Variants in CLVS1 observed in about 807,000 individuals in gnomAD.
The protein encoded by CLVS1 is clavesin-1.
A neutral mutation model predicts 33.1 loss-of-function variants in CLVS1; 10 were observed. That is an observed-to-expected ratio of 0.30 (90% CI 0.19 to 0.51). The LOEUF is 0.51. Among genes scored for constraint, CLVS1 ranks in the 20% least tolerant of loss-of-function variants. The probability of loss-of-function intolerance (pLI) is 0.97; values close to 1 mark genes in which losing one functional copy is unlikely to be tolerated. For synonymous variants in CLVS1, 163 were observed against 166.1 expected (o/e 0.98, Z 0.14); for missense variants, 343 against 433.4 (o/e 0.79, Z 1.85).
chr8:60,999,612 A>G, the CLVS1 span, among the ~76,000 whole-genome samples: 2 of 152,208 alleles, frequency 1.3e-5, no homozygotes, highest in African/African-American at 2.4e-5. Flanking sequence ...GCCAACTGTG[A>G]TCACCTAACA....
intron 2 of CLVS1, among the ~76,000 whole-genome samples, chr8:61,339,340 G>A (rs1443527415): frequency 6.6e-6 from 1 of 152,210 alleles, no homozygotes; most frequent in African/African-American, 2.4e-5. Context: ...CAAGGCAGAG[G>A]TCTAGGAGTC....
At chr8:61,432,118 C>A (rs145434368) in intron 3 of CLVS1, among the ~76,000 whole-genome samples, 1 of 152,088 alleles carries the variant, frequency 6.6e-6, no homozygotes, top group African/African-American at 2.4e-5. Flanking sequence ...AAAAAGTATG[C>A]CTTAGAATGG....
intron 2 of CLVS1, among the ~76,000 whole-genome samples, chr8:61,172,456 G>A (rs1331978297): frequency 6.6e-6 from 1 of 151,822 alleles, no homozygotes. Context: ...TTTGCAAGGA[G>A]CAACAATTTT....
chr8:61,289,656 G>T (rs2129593701), intron 1 of CLVS1, among the ~76,000 whole-genome samples: 1 of 152,300 alleles, frequency 6.6e-6, no homozygotes, highest in African/African-American at 2.4e-5. Flanking sequence ...TTTTAAAATT[G>T]TCGTTGTGTA....
chr8:61,254,486 G>A (rs990377200), intron 2 of CLVS1, among the ~76,000 whole-genome samples: 10 of 152,200 alleles, frequency 6.6e-5, no homozygotes, highest in Non-Finnish European at 1.5e-4. Context: ...GGTTTCTGCT[G>A]CCTTTTGTTT....
At chr8:61,353,618 G>C (rs115875046) in intron 2 of CLVS1, among the ~76,000 whole-genome samples, 2 of 151,572 alleles carry the variant, frequency 1.3e-5, no homozygotes, top group Non-Finnish European at 2.9e-5. Flanking sequence ...GAAACAATAT[G>C]AGATGTTGAT....
At chr8:61,094,732 AC>A in intron 1 of CLVS1, among the ~76,000 whole-genome samples, 1 of 152,330 alleles carries the variant, frequency 6.6e-6, no homozygotes, top group East Asian at 1.9e-4. Context: ...TGCTGAGGGC[AC>A]AGGAAAAAAA....
chr8:61,119,662 G>A (rs985276607), intron 1 of CLVS1, among the ~76,000 whole-genome samples: 5 of 146,368 alleles, frequency 3.4e-5, no homozygotes, highest in Non-Finnish European at 5.9e-5. Flanking sequence ...GAAATTCTGG[G>A]TTGAAAATTC....
chr8:61,448,237 A>G (rs1205481374), intron 3 of CLVS1, among the ~76,000 whole-genome samples: 1 of 151,978 alleles, frequency 6.6e-6, no homozygotes, highest in Non-Finnish European at 1.5e-5. Context: ...ATTTGAGTTC[A>G]TACTGTTTGG....
chr8:61,358,621 AAAC>A, intron 2 of CLVS1, among the ~76,000 whole-genome samples: 1 of 152,330 alleles, frequency 6.6e-6, no homozygotes. Flanking sequence ...ACAAACAAAC[AAAC>A]AAAAAACAGC....
chr8:61,039,805 A>C, the CLVS1 span, among the ~76,000 whole-genome samples: 2 of 152,184 alleles, frequency 1.3e-5, no homozygotes, highest in Admixed American at 1.3e-4. Flanking sequence ...CTCCCAAAGT[A>C]CTGAGATTAC....
At chr8:61,448,404 C>A (rs982890326) in intron 3 of CLVS1, among the ~76,000 whole-genome samples, 12 of 151,984 alleles carry the variant, frequency 7.9e-5, no homozygotes, top group African/African-American at 2.7e-4. Context: ...GTTATAGACC[C>A]CAAAAAGGAA....
the CLVS1 span, among the ~76,000 whole-genome samples, chr8:61,040,075 A>G: frequency 7.2e-5 from 11 of 152,148 alleles, no homozygotes; most frequent in African/African-American, 2.7e-4. Context: ...GCTCCCACTT[A>G]TAAGTGAGAA....
chr8:61,250,418 T>C (rs1480567914), intron 2 of CLVS1, among the ~76,000 whole-genome samples: 1 of 152,210 alleles, frequency 6.6e-6, no homozygotes, highest in Non-Finnish European at 1.5e-5. Flanking sequence ...TTTGGTTCCA[T>C]ATGAAGTTTA....
chr8:61,350,714 A>G (rs1812418869), intron 2 of CLVS1, among the ~76,000 whole-genome samples: 1 of 152,164 alleles, frequency 6.6e-6, no homozygotes, highest in Admixed American at 6.6e-5. Flanking sequence ...CAGAGCAATT[A>G]TCATGTAGAG....
chr8:61,443,929 A>G (rs761587334), intron 3 of CLVS1, among the ~76,000 whole-genome samples: 10 of 152,138 alleles, frequency 6.6e-5, no homozygotes, highest in Admixed American at 2.6e-4. Flanking sequence ...TGTAATTTTC[A>G]GCATACAAAT....
the CLVS1 span, among the ~76,000 whole-genome samples, chr8:61,014,085 G>GTTTTTTTTTTTTT: frequency 1.6e-5 from 2 of 126,818 alleles, no homozygotes; most frequent in Non-Finnish European, 3.3e-5. Flanking sequence ...ACTTTTTAGT[G>GTTTTTTTTTTTTT]TTTTTTTTTT....
intron 1 of CLVS1, among the ~76,000 whole-genome samples, chr8:61,126,815 C>T (rs1401560762): frequency 6.6e-6 from 1 of 152,204 alleles, no homozygotes. Flanking sequence ...TTCTCTCCTG[C>T]TTTACACAAC....
chr8:61,018,076 C>T, the CLVS1 span, among the ~76,000 whole-genome samples: 6 of 152,188 alleles, frequency 3.9e-5, no homozygotes, highest in Non-Finnish European at 5.9e-5. Context: ...GACTGTGAGT[C>T]AGGCAGAGTG....
Sources: allele counts gnomAD v4.1 joint callset (sites outside exome capture counted in the v4.1 genomes callset), GRCh38; gene constraint gnomAD v4.1.1; transcripts MANE v1.5; gene names NCBI Gene and HGNC (gene_info 2026-07-23, HGNC 2026-07-21).